LRFN5: variants seen among roughly 807,000 people sequenced by gnomAD.
LRFN5 encodes leucine-rich repeat and fibronectin type-III domain-containing protein 5.
LRFN5 carries 24 observed loss-of-function variants against 45.6 expected under a neutral mutation model. The observed-to-expected ratio is 0.53, with a 90% CI of 0.38 to 0.74. LRFN5 has a LOEUF of 0.74. LRFN5 is among the 30% of genes least tolerant of loss of function. LRFN5 has a pLI of 0.00. For synonymous variants in LRFN5, 340 were observed against 313.8 expected (o/e 1.08, Z -0.88); for missense variants, 776 against 861.5 (o/e 0.90, Z 1.24).
chr14:41,746,713 AAAGG>A (rs1478140353), intron 1 of LRFN5, among the ~76,000 whole-genome samples: 12 of 152,102 alleles, frequency 7.9e-5, no homozygotes, highest in Middle Eastern at 6.8e-3. Context: ...AAGAAAGAAG[AAAGG>A]AAGGAAGGAA....
At chr14:41,640,195 T>C (rs929529655) in intron 1 of LRFN5, among the ~76,000 whole-genome samples, 3 of 151,966 alleles carry the variant, frequency 2.0e-5, no homozygotes, top group African/African-American at 7.2e-5. Context: ...TCATTGTCCG[T>C]CTGAAGGCCC....
chr14:41,675,142 C>T (rs1166491737), intron 1 of LRFN5, among the ~76,000 whole-genome samples: 4 of 151,956 alleles, frequency 2.6e-5, no homozygotes, highest in South Asian at 2.1e-4. Context: ...CAGAGGGGCT[C>T]CTCACGTCCC....
Position 41,650,236 on chromosome 14 carries a change from TACACACAC to T in LRFN5, c.-197+41698_-197+41705del, listed in dbSNP as rs1555351105. 1.6e-5 allele frequency among the ~76,000 whole-genome samples: 2 copies of T among 128,168 alleles called. 1 individual carries two copies. Among genetic ancestry groups the T allele is most frequent in the Admixed American group, 1.6e-4 (2 of 12,330 alleles). The allele number at this position is 128,168 out of a possible 152,430, so 84.1% of individuals were successfully genotyped here. On this transcript the variant is annotated intron_variant, in intron 1 of 5. Transcript: ENST00000298119. ...TAGTGAAACCCTGTATCTACAAAAA[TACACACAC>T]ACACACACACACACACACACACAAA...
intron 2 of LRFN5, among the ~76,000 whole-genome samples, chr14:41,828,899 T>C (rs1050515762): frequency 6.6e-6 from 1 of 152,042 alleles, no homozygotes; most frequent in Non-Finnish European, 1.5e-5. Flanking sequence ...AGGCATCAGA[T>C]TCATGATCCT....
At chr14:41,787,689 G>GT (rs1476218390) in intron 2 of LRFN5, among the ~76,000 whole-genome samples, 11 of 151,368 alleles carry the variant, frequency 7.3e-5, no homozygotes, top group African/African-American at 2.4e-4. Flanking sequence ...TTTTATGTTT[G>GT]TTTTTTCATT....
intron 2 of LRFN5, among the ~76,000 whole-genome samples, chr14:41,795,326 G>T (rs567485189): frequency 6.6e-6 from 1 of 152,234 alleles, no homozygotes; most frequent in African/African-American, 2.4e-5. Context: ...TACACTGTTG[G>T]TGGGACTGTA....
At chr14:41,618,549 A>G (rs540344777) in intron 1 of LRFN5, among the ~76,000 whole-genome samples, 29 of 152,336 alleles carry the variant, frequency 1.9e-4, no homozygotes, top group Non-Finnish European at 3.7e-4. Context: ...CACATATTCA[A>G]ACCTCCAGAT....
At chr14:41,809,312 C>A (rs1162238057) in intron 2 of LRFN5, among the ~76,000 whole-genome samples, 2 of 151,870 alleles carry the variant, frequency 1.3e-5, no homozygotes, top group African/African-American at 2.4e-5. Flanking sequence ...TTTTAAAAAG[C>A]AGTTTAAAAT....
At chr14:41,718,256 A>G (rs1187734224) in intron 1 of LRFN5, among the ~76,000 whole-genome samples, 1 of 152,172 alleles carries the variant, frequency 6.6e-6, no homozygotes, top group Admixed American at 6.6e-5. Flanking sequence ...TGCCTGACAA[A>G]TAGATTCACA....
At chr14:41,631,972 G>C (rs895544096) in intron 1 of LRFN5, among the ~76,000 whole-genome samples, 2 of 152,112 alleles carry the variant, frequency 1.3e-5, no homozygotes, top group Non-Finnish European at 2.9e-5. Context: ...ATATTATAAA[G>C]GATTGCTCTG....
chr14:41,853,052 G>A (rs7152507), intron 2 of LRFN5, among the ~76,000 whole-genome samples: 321 of 151,988 alleles, frequency 2.1e-3, no homozygotes, highest in African/African-American at 6.8e-3. Context: ...AGAAAGACAC[G>A]GAACTCGTAG....
intron 1 of LRFN5, among the ~76,000 whole-genome samples, chr14:41,746,493 G>A (rs1011551191): frequency 1.3e-5 from 2 of 151,954 alleles, no homozygotes; most frequent in African/African-American, 2.4e-5. Context: ...CTTTGCCAGA[G>A]CAGTTAGGCA....
At chr14:41,737,779 C>G (rs754468130) in intron 1 of LRFN5, among the ~76,000 whole-genome samples, 13 of 152,086 alleles carry the variant, frequency 8.5e-5, no homozygotes, top group African/African-American at 1.2e-4. Context: ...ACCTAGGAAT[C>G]CAACTTACAA....
chr14:41,792,641 A>G (rs1212709618), intron 2 of LRFN5, among the ~76,000 whole-genome samples: 2 of 151,994 alleles, frequency 1.3e-5, no homozygotes, highest in African/African-American at 4.8e-5. Flanking sequence ...GAAGAAAAAT[A>G]TGGCTCTTTT....
intron 2 of LRFN5, among the ~76,000 whole-genome samples, chr14:41,870,959 A>C (rs1889999581): frequency 6.6e-6 from 1 of 152,152 alleles, no homozygotes; most frequent in Non-Finnish European, 1.5e-5. Flanking sequence ...GTATATTATA[A>C]TTCATCTAAA....
chr14:41,653,985 G>A (rs1460609220), intron 1 of LRFN5, among the ~76,000 whole-genome samples: 3 of 151,992 alleles, frequency 2.0e-5, no homozygotes, highest in African/African-American at 7.3e-5. Context: ...ACTCATAGGT[G>A]GGAATTGAAC....
intron 2 of LRFN5, among the ~76,000 whole-genome samples, chr14:41,815,604 G>A (rs1265447663): frequency 6.6e-6 from 1 of 151,914 alleles, no homozygotes. Flanking sequence ...CAGGTGTGGC[G>A]GTGCATGCCT....
chr14:41,838,398 G>A (rs77390656), intron 2 of LRFN5, among the ~76,000 whole-genome samples: 2,429 of 152,238 alleles, frequency 0.016, 58 homozygotes, highest in African/African-American at 0.054. Context: ...CTGGAAGAGA[G>A]GTTCTATGCT....
intron 2 of LRFN5, among the ~76,000 whole-genome samples, chr14:41,771,963 A>G (rs1886105088): frequency 6.6e-6 from 1 of 152,122 alleles, no homozygotes; most frequent in Non-Finnish European, 1.5e-5. Context: ...AAAATCTATA[A>G]AGACAAAAGG....
Sources: allele counts gnomAD v4.1 joint callset (sites outside exome capture counted in the v4.1 genomes callset), GRCh38; gene constraint gnomAD v4.1.1; transcripts MANE v1.5; gene names NCBI Gene and HGNC (gene_info 2026-07-23, HGNC 2026-07-21).